DAAM2: variants seen among roughly 807,000 people sequenced by gnomAD.
DAAM2 encodes dishevelled associated activator of morphogenesis 2, also known as disheveled-associated activator of morphogenesis 2.
DAAM2 carries 39 observed loss-of-function variants against 120.7 expected under a neutral mutation model. That is an observed-to-expected ratio of 0.32 (90% CI 0.25 to 0.42). The LOEUF is 0.42. DAAM2 is among the 10% of genes least tolerant of loss of function. The pLI, the probability that DAAM2 is intolerant of heterozygous loss-of-function variation, is 1.00. For synonymous variants in DAAM2, 488 were observed against 524.9 expected (o/e 0.93, Z 0.96); for missense variants, 1,283 against 1,401.7 (o/e 0.92, Z 1.35).
chr6:39,902,056 C>G lies in DAAM2; in HGVS notation c.*19C>G, dbSNP rs1211429350. Reference sequence around the variant, plus strand: ...TTATTGACCTGGGGAACTAGCCACACAGGAGGCCGGGAGACAGGGACTGGT... The same window carrying G: ...TTATTGACCTGGGGAACTAGCCACAGAGGAGGCCGGGAGACAGGGACTGGT... On this transcript the variant is annotated 3_prime_UTR_variant, in exon 25 of 25. Coordinates refer to ENST00000274867, the MANE Select transcript of DAAM2 (RefSeq NM_001201427.2). 1 of 1,579,082 alleles carries G rather than the reference C, an allele frequency of 6.3e-7. No homozygotes were observed. Among genetic ancestry groups the G allele is most frequent in the African/African-American group, 1.3e-5 (1 of 74,244 alleles).
At chr6:39,833,870 C>T (rs1284001823) in intron 1 of DAAM2, among the ~76,000 whole-genome samples, 1 of 152,196 alleles carries the variant, frequency 6.6e-6, no homozygotes, top group Non-Finnish European at 1.5e-5. Context: ...CTGTATCTGG[C>T]AAGCAGGGCT....
chr6:39,870,262 G>A, intron 7 of DAAM2, 78 bp from the exon 8 acceptor site: 1 of 824,026 alleles, frequency 1.2e-6, no homozygotes, highest in South Asian at 1.5e-5. Context: ...TGGCTAGGGT[G>A]GTGATGAGGG....
intron 1 of DAAM2, among the ~76,000 whole-genome samples, chr6:39,855,188 A>AC (rs1763951256): frequency 6.6e-6 from 1 of 151,916 alleles, no homozygotes. Flanking sequence ...TCTCTACTGA[A>AC]CCCCCCTAGG....
At chr6:39,882,044 ATGAAACAT>A (rs1355859832) in intron 14 of DAAM2, 1 of 152,200 alleles carries the variant, frequency 6.6e-6, no homozygotes, top group African/African-American at 2.4e-5. Flanking sequence ...GGGAAACATA[ATGAAACAT>A]GCTTTTGAGA....
intron 11 of DAAM2, among the ~76,000 whole-genome samples, chr6:39,876,217 T>C (rs539205018): frequency 6.6e-6 from 1 of 152,258 alleles, no homozygotes; most frequent in Non-Finnish European, 1.5e-5. Flanking sequence ...ATTAACATAC[T>C]AATTTTTAAT....
At chr6:39,818,406 A>T (rs1456295570) in intron 1 of DAAM2, among the ~76,000 whole-genome samples, 1 of 152,166 alleles carries the variant, frequency 6.6e-6, no homozygotes, top group Non-Finnish European at 1.5e-5. Flanking sequence ...AAGCACCAAC[A>T]ACTAGAACAA....
At chr6:39,823,150 T>C (rs1031107697) in intron 1 of DAAM2, 2 of 152,212 alleles carry the variant, frequency 1.3e-5, no homozygotes, top group Non-Finnish European at 2.9e-5. Context: ...CCTAAAATGA[T>C]AGTTTTTAAC....
intron 10 of DAAM2, among the ~76,000 whole-genome samples, chr6:39,874,101 G>A (rs545756261): frequency 9.9e-5 from 15 of 152,190 alleles, no homozygotes; most frequent in African/African-American, 1.4e-4. Context: ...TGGGCCAGGC[G>A]TGATGTGAGG....
intron 1 of DAAM2, among the ~76,000 whole-genome samples, chr6:39,836,173 C>T (rs1200406381): frequency 1.2e-4 from 18 of 151,916 alleles, no homozygotes; most frequent in Admixed American, 1.2e-3. Context: ...GCAGAAGATT[C>T]CCTCATTCTC....
chr6:39,871,364 G>T (rs2149315513), intron 8 of DAAM2, 142 bp from the exon 9 acceptor site: 1 of 756,466 alleles, frequency 1.3e-6, no homozygotes, highest in South Asian at 1.5e-5. Flanking sequence ...ACAAACAGCG[G>T]CTTCTTTCCC....
At chr6:39,848,182 C>T (rs1763670873) in intron 1 of DAAM2, among the ~76,000 whole-genome samples, 1 of 152,160 alleles carries the variant, frequency 6.6e-6, no homozygotes, top group African/African-American at 2.4e-5. Flanking sequence ...CAGATCCTTC[C>T]AGCCAGAAGT....
At chr6:39,831,501 C>T (rs1021559506) in intron 1 of DAAM2, among the ~76,000 whole-genome samples, 1 of 151,854 alleles carries the variant, frequency 6.6e-6, no homozygotes, top group Non-Finnish European at 1.5e-5. Context: ...AACTGAGGCA[C>T]AGGGAGGTTA....
chr6:39,872,198 T>C (rs1764690637), intron 9 of DAAM2, among the ~76,000 whole-genome samples: 4 of 152,198 alleles, frequency 2.6e-5, no homozygotes, highest in Admixed American at 2.6e-4. Flanking sequence ...CCCAGTCCTC[T>C]GATTCAAATG....
intron 1 of DAAM2, among the ~76,000 whole-genome samples, chr6:39,799,117 G>A (rs533419345): frequency 6.6e-6 from 1 of 151,946 alleles, no homozygotes; most frequent in East Asian, 1.9e-4. Context: ...CCAGTTTATC[G>A]ACTATGTGGA....
At chr6:39,864,670 A>T (rs1267637259) in intron 4 of DAAM2, among the ~76,000 whole-genome samples, 163 bp downstream of exon 4, 1 of 152,104 alleles carries the variant, frequency 6.6e-6, no homozygotes, top group Non-Finnish European at 1.5e-5. Context: ...TATTCATGAA[A>T]TTTTAAGGTA....
At position 39,891,654 on chromosome 6, in the gene DAAM2, G is replaced by A. The variant is rs1218424743; in HGVS notation, c.2273G>A (p.Arg758Gln). The A allele has an allele frequency of 6.2e-7, 1 of 1,611,410 alleles. No homozygotes were observed. The highest frequency in any genetic ancestry group is 8.5e-7 in the Non-Finnish European group (1 of 1,178,836). The change falls in exon 19 of 25, where the codon CGA becomes CAA. Residue 758 changes from arginine to glutamine, a missense_variant. Transcript: ENST00000274867. ...TACAGGATTGACCACTACCAGCAGC[G>A]ACTGCAAGCCCTCTTCTTCAAGAAG... ...EMSRIDHYQQRLQALFFKKKF... is the reference protein window; with the variant it reads ...EMSRIDHYQQQLQALFFKKKF...
chr6:39,846,693 TC>T (rs776172073), intron 1 of DAAM2, among the ~76,000 whole-genome samples: 2 of 139,706 alleles, frequency 1.4e-5, no homozygotes, highest in Non-Finnish European at 3.1e-5. Flanking sequence ...CATAACCACA[TC>T]CACGCTTTTT....
rs1328820726 is a variant in DAAM2, at chr6:39,901,436, G to A, written c.2946G>A (p.Lys982=). The A allele has an allele frequency of 5.0e-6, 8 of 1,610,080 alleles. No homozygotes were observed. Among genetic ancestry groups the A allele is most frequent in the East Asian group, 2.2e-5 (1 of 44,836 alleles). ...RQDLEAMRRR[K]EEEERRARME... ...ATCTAGAGGCCATGAGGAGGAGGAA[G>A]GAGGAGGAGGAGCGGCGGGCGCGCA... Residue 982 remains lysine, a synonymous_variant, in exon 24 of 25, where the codon AAG becomes AAA. Coordinates refer to ENST00000274867, the MANE Select transcript of DAAM2 (RefSeq NM_001201427.2). The surrounding 1 kb of genome is among the most constrained non-coding windows in gnomAD (Gnocchi z 4.5).
chr6:39,803,938 G>C (rs552479640), intron 1 of DAAM2, among the ~76,000 whole-genome samples: 1 of 152,298 alleles, frequency 6.6e-6, no homozygotes, highest in African/African-American at 2.4e-5. Flanking sequence ...GAGTGAAAGG[G>C]GCATTAACTG....
Sources: allele counts gnomAD v4.1 joint callset (sites outside exome capture counted in the v4.1 genomes callset), GRCh38; gene constraint gnomAD v4.1.1; non-coding constraint Gnocchi (gnomAD v3.1); transcripts MANE v1.5; gene names NCBI Gene and HGNC (gene_info 2026-07-23, HGNC 2026-07-21).